The following TBL1XR1 variants were observed in gnomAD, a reference collection of about 807,000 sequenced individuals.
The protein encoded by TBL1XR1 is TBL1X/Y related 1.
TBL1XR1 carries 5 observed loss-of-function variants against 66.9 expected under a neutral mutation model. The ratio of observed to expected loss-of-function variants is 0.07; its 90% confidence interval spans 0.04 to 0.16. The LOEUF (loss-of-function observed/expected upper bound fraction) is 0.16, where lower values mean the gene tolerates loss of function less well. Ranked by LOEUF, TBL1XR1 falls within the 10% of genes least tolerant of loss-of-function variation. TBL1XR1 has a pLI of 1.00. For synonymous variants in TBL1XR1, 210 were observed against 206.0 expected (o/e 1.02, Z -0.17); for missense variants, 238 against 623.2 (o/e 0.38, Z 6.58).
chr3:177,161,320 C>T (rs558975521), intron 1 of TBL1XR1, among the ~76,000 whole-genome samples: 4 of 152,242 alleles, frequency 2.6e-5, no homozygotes, highest in African/African-American at 9.6e-5. Context: ...CCCCAAAACC[C>T]TGACTGAAAA....
At chr3:177,035,335 T>TA (rs1465672214) in intron 12 of TBL1XR1, among the ~76,000 whole-genome samples, 1 of 152,108 alleles carries the variant, frequency 6.6e-6, no homozygotes, top group Non-Finnish European at 1.5e-5. Context: ...TGGTGATTGT[T>TA]AGAGTTTCTA....
chr3:177,080,045 T>C (rs918701153), intron 2 of TBL1XR1: 5 of 152,174 alleles, frequency 3.3e-5, no homozygotes, highest in African/African-American at 1.2e-4. Context: ...CAATCAAATG[T>C]AAGATTTCTG....
At chr3:177,143,162 A>G (rs1729824599) in intron 1 of TBL1XR1, among the ~76,000 whole-genome samples, 1 of 151,984 alleles carries the variant, frequency 6.6e-6, no homozygotes, top group African/African-American at 2.4e-5. Flanking sequence ...CTCTAAATGC[A>G]ATATTAATCA....
intron 1 of TBL1XR1, among the ~76,000 whole-genome samples, chr3:177,177,088 A>C (rs532979492): frequency 6.6e-6 from 1 of 152,322 alleles, no homozygotes; most frequent in African/African-American, 2.4e-5. Context: ...TGCTCTTCCC[A>C]ATCAATCAGT....
intron 12 of TBL1XR1, among the ~76,000 whole-genome samples, chr3:177,035,479 A>G (rs1217383704): frequency 6.6e-6 from 1 of 150,410 alleles, no homozygotes; most frequent in Non-Finnish European, 1.5e-5. Context: ...CAGCACCACA[A>G]TCTTGGCTCA....
intron 1 of TBL1XR1, among the ~76,000 whole-genome samples, chr3:177,187,074 G>A (rs1370595263): frequency 1.3e-5 from 2 of 151,780 alleles, no homozygotes; most frequent in African/African-American, 4.8e-5. Context: ...GGCTGAGGCA[G>A]GAGAATGGCA....
At chr3:177,153,802 G>A (rs1359062955) in intron 1 of TBL1XR1, among the ~76,000 whole-genome samples, 2 of 151,058 alleles carry the variant, frequency 1.3e-5, no homozygotes, top group African/African-American at 2.4e-5. Flanking sequence ...ACTTGAACCC[G>A]GGAGGCGGAG....
rs558830669 is a variant in TBL1XR1, at chr3:177,173,817, G to C, written c.-122+23304C>G. Reference sequence around the variant, plus strand: ...GAGGAAGCAGTGTGAGGGTACACTGGAACTTTGTACTAACTTTGCAACTTT... The same window carrying C: ...GAGGAAGCAGTGTGAGGGTACACTGCAACTTTGTACTAACTTTGCAACTTT... On this transcript the variant is annotated intron_variant, in intron 1 of 15. Transcript: ENST00000457928. 3.7e-4 allele frequency among the ~76,000 whole-genome samples: 57 copies of C among 152,216 alleles called. 1 individual carries two copies. The highest frequency in any genetic ancestry group is 6.8e-3 in the Middle Eastern group (2 of 294).
chr3:177,046,085 AC>A, intron 10 of TBL1XR1, 43 bp downstream of exon 10: 2 of 1,438,682 alleles, frequency 1.4e-6, no homozygotes, highest in Non-Finnish European at 1.9e-6. Flanking sequence ...AATTAGAAAA[AC>A]AGAAGCAAGC....
At chr3:177,175,233 A>T (rs1230338640) in intron 1 of TBL1XR1, among the ~76,000 whole-genome samples, 2 of 152,218 alleles carry the variant, frequency 1.3e-5, no homozygotes, top group African/African-American at 4.8e-5. Context: ...TTTCCAAGAC[A>T]AAGCAAAATA....
intron 12 of TBL1XR1, among the ~76,000 whole-genome samples, chr3:177,035,021 CCCAAGGAGGGCCAA>C (rs1055445476): frequency 1.3e-5 from 2 of 151,988 alleles, no homozygotes; most frequent in Non-Finnish European, 1.5e-5. Flanking sequence ...ACATGCCAAA[CCCAAGGAGGGCCAA>C]CCAAGAAAAA....
intron 1 of TBL1XR1, chr3:177,099,464 A>C (rs1254090191): frequency 1.3e-5 from 2 of 152,294 alleles, no homozygotes; most frequent in African/African-American, 2.4e-5. Context: ...CACGGAGTAC[A>C]GTTTTCTAAA....
At chr3:177,159,038 A>G (rs1193574241) in intron 1 of TBL1XR1, among the ~76,000 whole-genome samples, 1 of 152,218 alleles carries the variant, frequency 6.6e-6, no homozygotes. Flanking sequence ...ATACCCTATT[A>G]AAAGTTTTAA....
intron 2 of TBL1XR1, among the ~76,000 whole-genome samples, chr3:177,092,166 G>A (rs775781273): frequency 1.4e-4 from 21 of 152,198 alleles, no homozygotes; most frequent in South Asian, 4.1e-4. Flanking sequence ...TTTGAGTGTC[G>A]TGTTAGTGCT....
chr3:177,108,297 T>C (rs922341928), intron 1 of TBL1XR1, among the ~76,000 whole-genome samples: 9 of 152,230 alleles, frequency 5.9e-5, no homozygotes, highest in African/African-American at 1.7e-4. Context: ...TGGCCCTATA[T>C]ATAATAATGA....
intron 3 of TBL1XR1, among the ~76,000 whole-genome samples, chr3:177,056,907 CCCT>C (rs144940821): frequency 0.012 from 1,755 of 152,228 alleles, 40 homozygotes; most frequent in African/African-American, 0.04. Context: ...CATTTCTTTC[CCCT>C]CCTCCTCAAT....
At chr3:177,035,957 G>A (rs1424179992) in intron 12 of TBL1XR1, among the ~76,000 whole-genome samples, 2 of 152,058 alleles carry the variant, frequency 1.3e-5, no homozygotes, top group African/African-American at 4.8e-5. Flanking sequence ...CTGACATTGT[G>A]GACTTCCCAA....
intron 1 of TBL1XR1, among the ~76,000 whole-genome samples, chr3:177,133,830 C>G (rs1010521327): frequency 7.0e-6 from 1 of 142,234 alleles, no homozygotes; most frequent in Non-Finnish European, 1.5e-5. Context: ...GAGCCAAGAT[C>G]GCGCCACTGC....
intron 1 of TBL1XR1, among the ~76,000 whole-genome samples, chr3:177,103,096 C>T (rs1346501417): frequency 6.6e-6 from 1 of 152,160 alleles, no homozygotes; most frequent in East Asian, 1.9e-4. Flanking sequence ...ATGCAGTAGA[C>T]ACTGAATTAC....
Sources: gnomAD v4.1 joint callset for allele counts (sites outside exome capture counted in the v4.1 genomes callset) on GRCh38, gnomAD v4.1.1 for gene constraint, MANE v1.5 for transcripts, NCBI Gene and HGNC (gene_info 2026-07-23, HGNC 2026-07-21) for gene names.